CCDC171: variants seen among roughly 807,000 people sequenced by gnomAD.
CCDC171 encodes coiled-coil domain-containing protein 171.
CCDC171 carries 177 observed loss-of-function variants against 168.2 expected under a neutral mutation model. The ratio of observed to expected loss-of-function variants is 1.05; its 90% CI spans 0.93 to 1.19. The LOEUF is 1.19. Among genes scored for constraint, CCDC171 ranks in the 50% most tolerant of loss-of-function variants. The pLI, the probability that CCDC171 is intolerant of heterozygous loss-of-function variation, is 0.00. For synonymous variants in CCDC171, 687 were observed against 540.8 expected (o/e 1.27, Z -3.75); for missense variants, 1,991 against 1,539.0 (o/e 1.29, Z -4.91).
chr9:15,631,955 TG>T (rs567753713), intron 7 of CCDC171, among the ~76,000 whole-genome samples: 18 of 152,160 alleles, frequency 1.2e-4, no homozygotes, highest in Admixed American at 2.0e-4. Flanking sequence ...AAAAGGCCTT[TG>T]ACAAAATTCA....
At chr9:15,926,142 G>A (rs987475630) in intron 25 of CCDC171, among the ~76,000 whole-genome samples, 7 of 151,740 alleles carry the variant, frequency 4.6e-5, no homozygotes, top group East Asian at 3.9e-4. Flanking sequence ...AGAAGATAAT[G>A]TATGTGTAGG....
At chr9:15,639,252 G>C (rs2046417489) in intron 7 of CCDC171, among the ~76,000 whole-genome samples, 1 of 151,924 alleles carries the variant, frequency 6.6e-6, no homozygotes, top group Admixed American at 6.6e-5. Context: ...CTATAAAATA[G>C]GTAAATGATG....
chr9:15,694,219 T>C (rs566766036), intron 10 of CCDC171, among the ~76,000 whole-genome samples: 2 of 152,318 alleles, frequency 1.3e-5, no homozygotes, highest in East Asian at 3.9e-4. Flanking sequence ...CTAGGCTCTT[T>C]TCATTTCCCA....
At chr9:15,927,103 CATAATT>C (rs1347073822) in intron 25 of CCDC171, among the ~76,000 whole-genome samples, 1 of 151,626 alleles carries the variant, frequency 6.6e-6, no homozygotes, top group Non-Finnish European at 1.5e-5. Context: ...ATATTGTAGA[CATAATT>C]ATCTTTAAAA....
At chr9:15,947,897 C>A (rs890669899) in intron 25 of CCDC171, among the ~76,000 whole-genome samples, 1 of 151,556 alleles carries the variant, frequency 6.6e-6, no homozygotes, top group African/African-American at 2.4e-5. Context: ...CATATGTATA[C>A]ATGTGCCATG....
At chr9:15,714,740 C>G (rs1016298976) in intron 11 of CCDC171, among the ~76,000 whole-genome samples, 2 of 152,182 alleles carry the variant, frequency 1.3e-5, no homozygotes, top group African/African-American at 4.8e-5. Context: ...TGTGAATTAG[C>G]TCAAGTCTGA....
At chr9:15,885,088 GT>G (rs1819208550) in intron 24 of CCDC171, among the ~76,000 whole-genome samples, 1 of 152,116 alleles carries the variant, frequency 6.6e-6, no homozygotes, top group Non-Finnish European at 1.5e-5. Flanking sequence ...CATTACTACT[GT>G]TTCCATATTT....
chr9:15,750,423 T>C lies in CCDC171; in HGVS notation c.2671+4792T>C, dbSNP rs1315762816. 6.7e-4 allele frequency among the ~76,000 whole-genome samples: 102 copies of C among 152,124 alleles called. 2 individuals are homozygous for C. The highest frequency in any genetic ancestry group is 6.6e-3 in the Admixed American group (101 of 15,260). The stretch of plus-strand genomic sequence containing the variant: ...GAGCTGGTACCATTCCTTCTGAAAC[T>C]ACCCAATCAATAGAAAAAGAGAATC... On this transcript the variant is annotated intron_variant, in intron 18 of 25. Coordinates refer to ENST00000380701, the MANE Select transcript of CCDC171 (RefSeq NM_173550.4).
At chr9:15,652,097 A>G (rs1001663573) in intron 7 of CCDC171, among the ~76,000 whole-genome samples, 1 of 152,054 alleles carries the variant, frequency 6.6e-6, no homozygotes, top group East Asian at 1.9e-4. Context: ...TGTAGAGACC[A>G]GGTTTGACTA....
chr9:15,741,993 T>G (rs1368524209), intron 16 of CCDC171, among the ~76,000 whole-genome samples: 2 of 152,230 alleles, frequency 1.3e-5, no homozygotes, highest in African/African-American at 2.4e-5. Context: ...CACTTTTGCC[T>G]GAGACACTGA....
chr9:15,742,481 G>C (rs974167795), intron 16 of CCDC171, among the ~76,000 whole-genome samples: 6 of 152,188 alleles, frequency 3.9e-5, no homozygotes, highest in Admixed American at 3.9e-4. Flanking sequence ...TATAAGCCAA[G>C]TGTCAAGTTT....
At chr9:16,102,780 C>G in the CCDC171 span, among the ~76,000 whole-genome samples, 5 of 152,172 alleles carry the variant, frequency 3.3e-5, no homozygotes. Flanking sequence ...GGAGGAAACT[C>G]TTAGGTGTCA....
intron 7 of CCDC171, among the ~76,000 whole-genome samples, chr9:15,625,691 G>C (rs762250970): frequency 1.3e-5 from 2 of 152,080 alleles, no homozygotes; most frequent in African/African-American, 4.8e-5. Context: ...TGTTTTGGTA[G>C]CAGTACTATG....
chr9:16,077,921 CA>C, the CCDC171 span, among the ~76,000 whole-genome samples: 1 of 152,020 alleles, frequency 6.6e-6, no homozygotes, highest in African/African-American at 2.4e-5. Context: ...AAGATGTTGG[CA>C]AAGGATACAA....
rs1337737005 is a variant in CCDC171, at chr9:15,593,961, T to G, written c.544-80T>G. ...TTAACATCTATAGGTAAGGAGAGCCTCTTTGTACATTTAAACTGGGGATGA... is the reference window on the plus strand; with the variant it reads ...TTAACATCTATAGGTAAGGAGAGCCGCTTTGTACATTTAAACTGGGGATGA... On this transcript the variant is annotated intron_variant, in intron 5 of 25. Coordinates refer to ENST00000380701, the MANE Select transcript of CCDC171 (RefSeq NM_173550.4). The G allele has an allele frequency of 6.5e-6, 6 of 924,226 alleles. No individual in the cohort carries two copies. The African/African-American group carries it at 1.0e-4, about 16-fold the overall frequency. The allele number at this position is 924,226 out of a possible 1,614,324, so 57.3% of individuals were successfully genotyped here.
At position 15,608,944 on chromosome 9, in the gene CCDC171, CAAAAAAAA is replaced by C. The variant is rs71491669; in HGVS notation, c.676-14302_676-14295del. The stretch of plus-strand genomic sequence containing the variant: ...CGGGCTACAGAGCAAGACCCTGTCT[CAAAAAAAA>C]AAAAAAAAAAAAAAAAAAAAGAGTG... On this transcript the variant is annotated intron_variant, in intron 6 of 25. Transcript: ENST00000380701. Among the ~76,000 whole-genome samples, 8 of 13,718 alleles carry C rather than the reference CAAAAAAAA, an allele frequency of 5.8e-4. No homozygotes were observed. In the East Asian group the frequency reaches 0.014, roughly 24 times the overall value. 9.0% of individuals were successfully genotyped at this position (13,718 alleles called of 152,430 possible).
chr9:15,950,333 A>G (rs1375893489), intron 25 of CCDC171, among the ~76,000 whole-genome samples: 3 of 152,152 alleles, frequency 2.0e-5, no homozygotes, highest in Admixed American at 1.3e-4. Context: ...CTGATTCACC[A>G]AAGTTGAAAT....
intron 10 of CCDC171, among the ~76,000 whole-genome samples, chr9:15,693,215 G>C (rs12350436): frequency 2.6e-3 from 3 of 1,142 alleles, no homozygotes; most frequent in Non-Finnish European, 6.3e-3. Flanking sequence ...GGTACACACA[G>C]ACACACATGC....
intron 25 of CCDC171, among the ~76,000 whole-genome samples, chr9:15,967,456 GTGCAATA>G (rs527830651): frequency 4.3e-4 from 66 of 152,186 alleles, no homozygotes; most frequent in Non-Finnish European, 8.5e-4. Flanking sequence ...AACGTGCAAT[GTGCAATA>G]TGTATTCTTT....
Sources: gnomAD v4.1 joint callset for allele counts (sites outside exome capture counted in the v4.1 genomes callset) on GRCh38, gnomAD v4.1.1 for gene constraint, MANE v1.5 for transcripts, NCBI Gene and HGNC (gene_info 2026-07-23, HGNC 2026-07-21) for gene names.